SLC38A5: variants seen among roughly 807,000 people sequenced by gnomAD.
SLC38A5 encodes sodium-coupled neutral amino acid transporter 5.
SLC38A5 carries 9 observed loss-of-function variants against 34.6 expected under a neutral mutation model. The observed-to-expected ratio is 0.26, with a 90% confidence interval of 0.16 to 0.45. The LOEUF is 0.45. Among genes scored for constraint, SLC38A5 ranks in the 20% least tolerant of loss-of-function variants. The probability of loss-of-function intolerance (pLI) is 1.00; values close to 1 mark genes in which losing one functional copy is unlikely to be tolerated. For synonymous variants in SLC38A5, 157 were observed against 155.6 expected (o/e 1.01, Z -0.07); for missense variants, 253 against 394.7 (o/e 0.64, Z 3.04).
chrX:48,462,920 G>A lies in SLC38A5; in HGVS notation c.552C>T (p.Pro184=), dbSNP rs782727243. Residue 184 remains proline, a synonymous_variant, in exon 9 of 17, where the codon CCC becomes CCT. Coordinates refer to ENST00000620913, the MANE Select transcript of SLC38A5 (RefSeq NM_033518.4). ...TACCCAAGTGTTTCATGAGGGCGAG[G>A]GGCAGGATGATTAACACACTGACGA... ...IIIVSVLIIL[P]LALMKHLGYL... is the part of the protein sequence containing the mutation. 16 of 1,209,074 alleles carry A rather than the reference G, an allele frequency of 1.3e-5. No homozygotes were observed. The Admixed American group carries it at 2.8e-4, about 21-fold the overall frequency.
chrX:48,469,942 C>A (rs1307188569), intron 1 of SLC38A5: 1 of 111,682 alleles, frequency 9.0e-6, no homozygotes, highest in Non-Finnish European at 1.9e-5. Flanking sequence ...TGGGCTCAGT[C>A]ATAGACAGGA....
At chrX:48,467,181 G>C in intron 4 of SLC38A5, 104 bp from the exon 5 acceptor site, 1 of 661,786 alleles carries the variant, frequency 1.5e-6, no homozygotes, top group South Asian at 2.7e-5. Context: ...AAGCGGGGTG[G>C]AGAGAAGCCA....
intron 16 of SLC38A5, 106 bp downstream of exon 16, chrX:48,459,430 C>A (rs1263137584): frequency 1.5e-5 from 11 of 744,645 alleles, no homozygotes; most frequent in Non-Finnish European, 1.5e-5. Context: ...CAGATGCTCT[C>A]CCAGCCCCCT....
intron 15 of SLC38A5, 33 bp from the exon 16 acceptor site, chrX:48,459,672 C>G (rs1347910030): frequency 8.5e-7 from 1 of 1,179,148 alleles, no homozygotes; most frequent in Non-Finnish European, 1.1e-6. Context: ...AGGAGTCAAC[C>G]TGACTTGGGG....
chrX:48,458,772 G>A lies in SLC38A5; in HGVS notation c.*161C>T. On this transcript the variant is annotated 3_prime_UTR_variant, in exon 17 of 17. Transcript: ENST00000620913. ...GATCCAAGCTTGGCATCCCTGGGGAGGAGGGAAGTGGGCCAGTCTGCAGCC... is the reference window on the plus strand; with the variant it reads ...GATCCAAGCTTGGCATCCCTGGGGAAGAGGGAAGTGGGCCAGTCTGCAGCC... The A allele has an allele frequency of 9.4e-7, 1 of 1,067,711 alleles. No individual in the cohort carries two copies. The highest frequency in any genetic ancestry group is 1.2e-6 in the Non-Finnish European group (1 of 825,478). The allele number at this position is 1,067,711 out of a possible 1,213,427, so 88.0% of individuals were successfully genotyped here. A position where few individuals can be genotyped will look rare whatever the true frequency, so the allele number is the denominator to read the frequency against.
At chrX:48,460,338 T>G (rs1204439244) in intron 14 of SLC38A5, among the ~76,000 whole-genome samples, 1 of 110,721 alleles carries the variant, frequency 9.0e-6, no homozygotes, top group African/African-American at 3.3e-5. Flanking sequence ...TGTCCATCCC[T>G]GTTTCTTAAT....
chrX:48,459,007 G>A lies in SLC38A5; in HGVS notation c.1345C>T (p.Leu449Phe). The A allele has an allele frequency of 1.7e-6, 2 of 1,193,201 alleles. No homozygotes were observed. The highest frequency in any genetic ancestry group is 2.3e-6 in the Non-Finnish European group (2 of 885,425). Residue 449 changes from leucine (L) to phenylalanine (F), a missense_variant, in exon 17 of 17, where the codon CTC becomes TTC. Physicochemically the swap from Leu to Phe is conservative, Grantham distance 22. Coordinates refer to ENST00000620913, the MANE Select transcript of SLC38A5 (RefSeq NM_033518.4). ...QALCFGVLGV[L>F]FMAVSLGFMF... is the part of the protein sequence containing the mutation. ...AAGCCTAGACTGACGGCCATGAAGA[G>A]GACTCCCAGGACTCCAAAGCACAGG...
rs1264555124 is a variant in SLC38A5, at chrX:48,461,135, C to T, written c.852-49G>A. On this transcript the variant is annotated intron_variant, in intron 12 of 16. Coordinates refer to ENST00000620913, the MANE Select transcript of SLC38A5 (RefSeq NM_033518.4). ...TGTCATGCCCAGACCCTGAGACTTG[C>T]CCCAGGTCCCTCAAAGCCAGCCTCC... 8 of 1,059,156 alleles carry T rather than the reference C, an allele frequency of 7.6e-6. No homozygotes were observed. The African/African-American group carries it at 1.3e-4, about 17-fold the overall frequency. The allele number at this position is 1,059,156 out of a possible 1,213,427, so 87.3% of individuals were successfully genotyped here. A position where few individuals can be genotyped will look rare whatever the true frequency, so the allele number is the denominator to read the frequency against.
chrX:48,460,813 C>A, intron 13 of SLC38A5, 49 bp from the exon 14 acceptor site: 2 of 1,130,064 alleles, frequency 1.8e-6, no homozygotes, highest in Non-Finnish European at 2.4e-6. Flanking sequence ...GAGAGAGCAC[C>A]AGGACCAATG....
intron 8 of SLC38A5, among the ~76,000 whole-genome samples, chrX:48,463,187 G>A (rs2061446454): frequency 8.9e-6 from 1 of 112,766 alleles, no homozygotes. Context: ...TTATGAGATT[G>A]TCAGATACTA....
At chrX:48,465,523 C>T (rs191868220) in intron 8 of SLC38A5, among the ~76,000 whole-genome samples, 14 of 112,263 alleles carry the variant, frequency 1.2e-4, no homozygotes, top group Non-Finnish European at 2.6e-4. Context: ...CACAGCTAGA[C>T]AGATTCAGCC....
chrX:48,466,002 G>A lies in SLC38A5; in HGVS notation c.491+13C>T. On this transcript the variant is annotated intron_variant, in intron 8 of 16. Transcript: ENST00000620913. ...AGGGGCTGCTGGCCAGCCAAGGGGT[G>A]TTGCTCACTCACCCCTCGGGGTCCA... The A allele has an allele frequency of 8.5e-7, 1 of 1,176,811 alleles. No individual in the cohort carries two copies. Among genetic ancestry groups the A allele is most frequent in the Non-Finnish European group, 1.1e-6 (1 of 876,399 alleles).
At position 48,458,913 on chromosome X, in the gene SLC38A5, C is replaced by A. The variant is rs782164160; in HGVS notation, c.*20G>T. On this transcript the variant is annotated 3_prime_UTR_variant, in exon 17 of 17. Coordinates refer to ENST00000620913, the MANE Select transcript of SLC38A5 (RefSeq NM_033518.4). ...CCCTCCATGTGCATGCGCACAGGGA[C>A]CTGGGCCAGCAGGGCCTGATCAGTG... 8.5e-7 allele frequency: 1 copy of A among 1,170,437 alleles called. No individual in the cohort carries two copies. Among genetic ancestry groups the A allele is most frequent in the South Asian group, 1.9e-5 (1 of 52,535 alleles).
At chrX:48,460,500 T>A (rs782578333) in intron 14 of SLC38A5, 149 bp downstream of exon 14, 24 of 531,765 alleles carry the variant, frequency 4.5e-5, no homozygotes, top group Non-Finnish European at 7.4e-5. Context: ...GCCATCTCTG[T>A]CCATCTGAAA....
intron 1 of SLC38A5, chrX:48,469,723 A>C (rs1264931623): frequency 8.9e-6 from 1 of 111,744 alleles, no homozygotes; most frequent in East Asian, 2.8e-4. Flanking sequence ...AGGAGAACTG[A>C]AGTTACAAAG....
At position 48,459,581 on chromosome X, in the gene SLC38A5, A is replaced by G; in HGVS notation, c.1272T>C (p.Ile424=). 1 of 1,141,602 alleles carries G rather than the reference A, an allele frequency of 8.8e-7. No homozygotes were observed. The highest frequency in any genetic ancestry group is 1.2e-6 in the Non-Finnish European group (1 of 862,437). 94.1% of individuals were successfully genotyped at this position (1,141,602 alleles called of 1,213,427 possible). ...FILPSIFYLR[I]VPSEVEPFLS... The stretch of plus-strand genomic sequence containing the variant: ...AGAAAGGCTCCACCTCAGAGGGTAC[A>G]ATGCGGAGGTAGAAGATGCTGGGGA... The change falls in exon 16 of 17, where the codon ATT becomes ATC. Residue 424 remains isoleucine, a synonymous_variant. Coordinates refer to ENST00000620913, the MANE Select transcript of SLC38A5 (RefSeq NM_033518.4).
chrX:48,463,631 G>A lies in SLC38A5; in HGVS notation c.492-651C>T, dbSNP rs181985851. Among the ~76,000 whole-genome samples the A allele has an allele frequency of 7.6e-5, 8 of 105,355 alleles. No homozygotes were observed. The East Asian group carries it at 1.8e-3, about 23-fold the overall frequency. 91.5% of individuals were successfully genotyped at this position (105,355 alleles called of 115,157 possible). ...AAAAAAATAAATAAATAAATAAATAGCCAGGTATGGTGGCGCGTGCCTGTA... is the reference window on the plus strand; with the variant it reads ...AAAAAAATAAATAAATAAATAAATAACCAGGTATGGTGGCGCGTGCCTGTA... On this transcript the variant is annotated intron_variant, in intron 8 of 16. Transcript: ENST00000620913.
Position 48,466,043 on chromosome X carries a change from C to T in SLC38A5, c.463G>A (p.Gly155Ser), listed in dbSNP as rs1201175769. The change falls in exon 8 of 17, where the codon GGC becomes AGC. Residue 155 changes from glycine (G) to serine (S), a missense_variant. Coordinates refer to ENST00000620913, the MANE Select transcript of SLC38A5 (RefSeq NM_033518.4). ...IIKSELPLVI[G>S]TFLYMDPEGD... The stretch of plus-strand genomic sequence containing the variant: ...TCGGGGTCCATGTACAGGAAGGTGC[C>T]GATAACCAGGGGGAGCTCAGATTTG... 1 of 1,202,662 alleles carries T rather than the reference C, an allele frequency of 8.3e-7. No homozygotes were observed. Among genetic ancestry groups the T allele is most frequent in the Non-Finnish European group, 1.1e-6 (1 of 890,784 alleles).
At chrX:48,466,700 G>T in intron 6 of SLC38A5, 99 bp downstream of exon 6, 1 of 947,846 alleles carries the variant, frequency 1.1e-6, no homozygotes, top group South Asian at 2.1e-5. Flanking sequence ...TGGGTCTGGG[G>T]TCTGGGGTCC....
Sources: allele counts gnomAD v4.1 joint callset (sites outside exome capture counted in the v4.1 genomes callset), GRCh38; gene constraint gnomAD v4.1.1; transcripts MANE v1.5; gene names NCBI Gene and HGNC (gene_info 2026-07-23, HGNC 2026-07-21).